UBR4: variants seen among roughly 807,000 people sequenced by gnomAD.
The protein encoded by UBR4 is ubiquitin protein ligase E3 component n-recognin 4, also known as E3 ubiquitin-protein ligase UBR4.
A neutral mutation model predicts 575.6 loss-of-function variants in UBR4; 124 were observed. That is an observed-to-expected ratio of 0.22 (90% CI 0.19 to 0.25). The LOEUF is 0.25. Among genes scored for constraint, UBR4 ranks in the 10% least tolerant of loss-of-function variants. The probability of loss-of-function intolerance (pLI) is 1.00; values close to 1 mark genes in which losing one functional copy is unlikely to be tolerated. For synonymous variants in UBR4, 2,455 were observed against 2,473.7 expected (o/e 0.99, Z 0.22); for missense variants, 4,818 against 6,478.8 (o/e 0.74, Z 8.80).
At chr1:19,132,178 T>C (rs910388207) in intron 60 of UBR4, among the ~76,000 whole-genome samples, 1 of 151,822 alleles carries the variant, frequency 6.6e-6, no homozygotes, top group African/African-American at 2.4e-5. Flanking sequence ...TCAAATATGG[T>C]TTTTTGTTTG....
At position 19,093,916 on chromosome 1, in the gene UBR4, C is replaced by G. The variant is rs756123263; in HGVS notation, c.13937+33G>C. ...CTAGTTCGGCGTTTTAGTGGAGACTCTCATTTCACTATATGAAATCAAAGT... is the reference window on the plus strand; with the variant it reads ...CTAGTTCGGCGTTTTAGTGGAGACTGTCATTTCACTATATGAAATCAAAGT... On this transcript the variant is annotated intron_variant, in intron 95 of 105. Transcript: ENST00000375254. This position sits in a 1 kb window ranked among gnomAD's most constrained non-coding sequence, Gnocchi z 4.8. 1.6e-5 allele frequency: 25 copies of G among 1,591,136 alleles called. No individual in the cohort carries two copies. The highest frequency in any genetic ancestry group is 2.1e-5 in the Non-Finnish European group (25 of 1,164,530).
At chr1:19,114,176 C>T in intron 75 of UBR4, 106 bp from the exon 76 acceptor site, 4 of 1,407,288 alleles carry the variant, frequency 2.8e-6, no homozygotes, top group Non-Finnish European at 3.8e-6. Flanking sequence ...ATAGGTCAGG[C>T]ACTGTGTTTC....
intron 8 of UBR4, among the ~76,000 whole-genome samples, chr1:19,196,446 A>G (rs1445556561): frequency 6.6e-6 from 1 of 152,314 alleles, no homozygotes; most frequent in South Asian, 2.1e-4. Context: ...TGAAATTGCT[A>G]TAACTTCCAA....
intron 11 of UBR4, 114 bp downstream of exon 11, chr1:19,192,074 A>T: frequency 5.1e-6 from 6 of 1,182,032 alleles, no homozygotes; most frequent in Non-Finnish European, 5.9e-6. Context: ...GCTAAATTCA[A>T]GCCAGGTAGG....
At chr1:19,108,487 A>G (rs1476700006) in intron 81 of UBR4, among the ~76,000 whole-genome samples, 2 of 152,186 alleles carry the variant, frequency 1.3e-5, no homozygotes, top group Non-Finnish European at 2.9e-5. Flanking sequence ...CTTGGGGTGC[A>G]GCAGAGGCGC....
At chr1:19,146,698 G>T in intron 52 of UBR4, 128 bp downstream of exon 52, 1 of 1,311,434 alleles carries the variant, frequency 7.6e-7, no homozygotes, top group Non-Finnish European at 1.0e-6. Context: ...AAGGTATAAA[G>T]ACCAGGAAGC....
chr1:19,095,659 A>G lies in UBR4; in HGVS notation c.13519-7T>C, dbSNP rs202065662. The G allele has an allele frequency of 1.2e-6, 2 of 1,613,788 alleles. No individual in the cohort carries two copies. Among genetic ancestry groups the G allele is most frequent in the South Asian group, 1.1e-5 (1 of 91,042 alleles). ...TGAACAATTTCAGTAGCACCTGACA[A>G]GAAAAGCCAGTCAAAACCCATGAGG... On this transcript the variant is annotated splice_region_variant and splice_polypyrimidine_tract_variant and intron_variant, in intron 92 of 105. Transcript: ENST00000375254.
chr1:19,106,409 C>A (rs2079201349), intron 83 of UBR4, among the ~76,000 whole-genome samples, 160 bp downstream of exon 83: 1 of 152,116 alleles, frequency 6.6e-6, no homozygotes, highest in Non-Finnish European at 1.5e-5. Flanking sequence ...CCAACAGCTA[C>A]AACCAAGAAC....
At chr1:19,124,712 G>A (rs752306954) in intron 64 of UBR4, 22 bp from the exon 65 acceptor site, 1 of 1,602,816 alleles carries the variant, frequency 6.2e-7, no homozygotes, top group South Asian at 1.1e-5. Flanking sequence ...AAATTTGCAT[G>A]AGAACCTGTG....
chr1:19,110,271 T>A lies in UBR4; in HGVS notation c.11978-48A>T. 6.2e-7 allele frequency: 1 copy of A among 1,613,976 alleles called. No individual in the cohort carries two copies. Among genetic ancestry groups the A allele is most frequent in the Non-Finnish European group, 8.5e-7 (1 of 1,179,882 alleles). On this transcript the variant is annotated intron_variant, in intron 80 of 105. Transcript: ENST00000375254. The surrounding 1 kb of genome is among the most constrained non-coding windows in gnomAD (Gnocchi z 4.5). ...GAGTCACAATCAGGAACACTACACATCTGCTCTGCAGAGGCCGCCCAAGCA... is the reference window on the plus strand; with the variant it reads ...GAGTCACAATCAGGAACACTACACAACTGCTCTGCAGAGGCCGCCCAAGCA...
At chr1:19,173,975 G>T (rs1004057867) in intron 22 of UBR4, among the ~76,000 whole-genome samples, 3 of 152,210 alleles carry the variant, frequency 2.0e-5, no homozygotes, top group African/African-American at 7.2e-5. Context: ...GCCTGGAATT[G>T]CTTCTAGAAT....
In UBR4 at chr1:19,148,053, C is replaced by G; in HGVS notation, c.7569G>C (p.Gln2523His). The G allele has an allele frequency of 6.2e-7, 1 of 1,612,470 alleles. No homozygotes were observed. The highest frequency in any genetic ancestry group is 8.5e-7 in the Non-Finnish European group (1 of 1,179,968). ...LSLPAPASVQQQSKSLLASLH... is the reference protein window; with the variant it reads ...LSLPAPASVQHQSKSLLASLH... The stretch of plus-strand genomic sequence containing the variant: ...GGCTGGCCAGAAGGCTCTTGGACTG[C>G]TGCTGGACACTGGCAGGTGCTGGCA... Residue 2523 changes from glutamine (Q) to histidine (H), a missense_variant, in exon 51 of 106, where the codon CAG (glutamine) becomes CAC (histidine). Around this residue, in one of 29 missense-constraint regions of UBR4, gnomAD observed 340 missense variants for 375.4 expected, o/e 0.91. Coordinates refer to ENST00000375254, the MANE Select transcript of UBR4 (RefSeq NM_020765.3).
intron 13 of UBR4, 76 bp from the exon 14 acceptor site, chr1:19,186,733 C>G: frequency 7.0e-7 from 1 of 1,436,702 alleles, no homozygotes; most frequent in Non-Finnish European, 9.6e-7. Flanking sequence ...TCTCCATAAT[C>G]TCTTTTATTT....
rs747214769 is a variant in UBR4, at chr1:19,168,127, C to A, written c.3799G>T (p.Ala1267Ser). ...PSESYISAVQ[A>S]AHLGTLCSQS... ...CTACAGAGAGTCCCCAGGTGTGCAGCCTGCACTGCACTAATATAACTCTCT... is the reference window on the plus strand; with the variant it reads ...CTACAGAGAGTCCCCAGGTGTGCAGACTGCACTGCACTAATATAACTCTCT... Residue 1267 changes from alanine (A) to serine (S), a missense_variant, in exon 28 of 106, where the codon GCT becomes TCT. Coordinates refer to ENST00000375254, the MANE Select transcript of UBR4 (RefSeq NM_020765.3). 21 of 1,612,528 alleles carry A rather than the reference C, an allele frequency of 1.3e-5. No individual in the cohort carries two copies. Among genetic ancestry groups the A allele is most frequent in the Admixed American group, 1.7e-5 (1 of 59,956 alleles).
Position 19,169,491 on chromosome 1 carries a change from C to T in UBR4, c.3685G>A (p.Val1229Met). Residue 1229 changes from valine to methionine, a missense_variant, in exon 27 of 106, where the codon GTG becomes ATG. Val to Met is a conservative substitution (Grantham distance 21, BLOSUM62 1). This residue lies in a region of UBR4 where 1,172 missense variants were observed against 1,259.7 expected (regional missense o/e 0.93). Transcript: ENST00000375254. ...VQNLPSSVQT[V>M]CESWNNINTN... is the part of the protein sequence containing the mutation. ...TTGATGTTGTTCCAGGACTCACACA[C>T]AGTCTGCACTGACGATGGCAAATTC... The T allele has an allele frequency of 5.0e-6, 8 of 1,613,978 alleles. No individual in the cohort carries two copies. Among genetic ancestry groups the T allele is most frequent in the Non-Finnish European group, 6.8e-6 (8 of 1,179,974 alleles).
intron 103 of UBR4, chr1:19,078,477 G>T: frequency 5.9e-6 from 1 of 169,182 alleles, no homozygotes; most frequent in Admixed American, 5.8e-5. Flanking sequence ...TAGGAAACAA[G>T]GTTTTAATTC....
chr1:19,120,265 T>A lies in UBR4; in HGVS notation c.10225A>T (p.Ile3409Phe). Reference sequence around the variant, plus strand: ...AACAGGAAACAACGCAGGAACTGGATCAGGGTTTCCTTATCGGCAAATTTG... The same window carrying A: ...AACAGGAAACAACGCAGGAACTGGAACAGGGTTTCCTTATCGGCAAATTTG... ...LNKFADKETL[I>F]QFLRCFLLES... Residue 3409 changes from isoleucine (I) to phenylalanine (F), a missense_variant, in exon 69 of 106, where the codon ATC (isoleucine) becomes TTC (phenylalanine). By Grantham distance (21) the Ile-to-Phe change is conservative. This residue lies in a region of UBR4 where 550 missense variants were observed against 791.5 expected (regional missense o/e 0.69). Transcript: ENST00000375254. 1 of 1,614,088 alleles carries A rather than the reference T, an allele frequency of 6.2e-7. No homozygotes were observed.
At chr1:19,076,001 G>T (rs1034324114) in intron 105 of UBR4, among the ~76,000 whole-genome samples, 4 of 152,234 alleles carry the variant, frequency 2.6e-5, no homozygotes, top group Non-Finnish European at 5.9e-5. Context: ...CTCTGATGGG[G>T]GCTGTAATGC....
chr1:19,075,944 G>T (rs1392281630), intron 105 of UBR4, among the ~76,000 whole-genome samples: 1 of 152,208 alleles, frequency 6.6e-6, no homozygotes, highest in African/African-American at 2.4e-5. Context: ...GGCAGGTTTG[G>T]TTACCTGTGC....
Sources: gnomAD v4.1 joint callset for allele counts (sites outside exome capture counted in the v4.1 genomes callset) on GRCh38, gnomAD v4.1.1 for gene constraint, gnomAD v4.1.1 regional missense constraint, Gnocchi (gnomAD v3.1) non-coding constraint, MANE v1.5 for transcripts, NCBI Gene and HGNC (gene_info 2026-07-23, HGNC 2026-07-21) for gene names.